The following ABCA13 variants were observed in gnomAD, a reference collection of about 807,000 sequenced individuals.
The protein encoded by ABCA13 is ATP binding cassette subfamily A member 13.
Under a neutral mutation model 478.7 loss-of-function variants are expected in ABCA13, and 476 were observed. The observed-to-expected ratio is 0.99, with a 90% CI of 0.92 to 1.07. The LOEUF (loss-of-function observed/expected upper bound fraction) is 1.07. ABCA13 is among the 50% of genes least tolerant of loss of function. The probability of loss-of-function intolerance (pLI) is 0.00; values close to 1 mark genes in which losing one functional copy is unlikely to be tolerated. For missense variants in ABCA13, 6,060 were observed against 5,910.6 expected, an observed-to-expected ratio of 1.03 and a Z score of -0.83; for synonymous variants, 2,252 against 2,158.9, an observed-to-expected ratio of 1.04 and a Z score of -1.20.
chr7:48,373,264 G>A (rs952321443), intron 33 of ABCA13, among the ~76,000 whole-genome samples: 10 of 152,174 alleles, frequency 6.6e-5, no homozygotes, highest in African/African-American at 2.4e-4. Flanking sequence ...TTACGGGGCT[G>A]CTCAGGGGTA....
intron 58 of ABCA13, among the ~76,000 whole-genome samples, chr7:48,612,907 C>T (rs1057192570): frequency 2.6e-5 from 4 of 151,320 alleles, no homozygotes; most frequent in East Asian, 1.9e-4. Flanking sequence ...TTTGAAGTGA[C>T]GATTGGAAAT....
intron 28 of ABCA13, among the ~76,000 whole-genome samples, chr7:48,335,999 G>T (rs1030989664): frequency 5.9e-5 from 9 of 152,264 alleles, no homozygotes; most frequent in African/African-American, 2.2e-4. Flanking sequence ...TTGGGCATTT[G>T]TGTAGCTTCA....
At chr7:48,492,355 G>T (rs1431140149) in intron 48 of ABCA13, among the ~76,000 whole-genome samples, 1 of 152,172 alleles carries the variant, frequency 6.6e-6, no homozygotes, top group Non-Finnish European at 1.5e-5. Context: ...CATCACCTCT[G>T]TTGGAATACT....
intron 48 of ABCA13, among the ~76,000 whole-genome samples, chr7:48,490,950 A>G (rs1829786829): frequency 6.6e-6 from 1 of 152,228 alleles, no homozygotes; most frequent in Non-Finnish European, 1.5e-5. Flanking sequence ...TTTTGAGGTT[A>G]AGGCCAGGAT....
Position 48,430,575 on chromosome 7 carries a change from G to A in ABCA13, c.12565+2704G>A, listed in dbSNP as rs895088848. 2.6e-5 allele frequency among the ~76,000 whole-genome samples: 4 copies of A among 151,622 alleles called. No individual in the cohort carries two copies. In the South Asian group the frequency reaches 6.3e-4, roughly 24 times the overall value. The stretch of plus-strand genomic sequence containing the variant: ...CTGTAATCCCAATTACTTGGGAGGC[G>A]GAGGCAGAGAATTGCTTGGACCCGG... On this transcript the variant is annotated intron_variant, in intron 42 of 61. Coordinates refer to ENST00000435803, the MANE Select transcript of ABCA13 (RefSeq NM_152701.5).
intron 47 of ABCA13, among the ~76,000 whole-genome samples, chr7:48,483,399 T>C (rs958053956): frequency 6.6e-6 from 1 of 152,172 alleles, no homozygotes; most frequent in Admixed American, 6.5e-5. Context: ...ACCTAGTAAA[T>C]ATAAAGTGGA....
In ABCA13 at chr7:48,281,469, A is replaced by G. The variant is rs762531253; in HGVS notation, c.8836+17A>G. The G allele has an allele frequency of 4.2e-5, 66 of 1,573,898 alleles. No individual in the cohort carries two copies. Among genetic ancestry groups the G allele is most frequent in the Non-Finnish European group, 5.4e-5 (63 of 1,158,306 alleles). On this transcript the variant is annotated intron_variant, in intron 19 of 61. Transcript: ENST00000435803. ...TCGTTGCAGGTGGGCTGCTCATATAACAAGTGCTCTGCAATTGCCCTGTGC... is the reference window on the plus strand; with the variant it reads ...TCGTTGCAGGTGGGCTGCTCATATAGCAAGTGCTCTGCAATTGCCCTGTGC...
intron 8 of ABCA13, among the ~76,000 whole-genome samples, chr7:48,234,574 A>G (rs1422296263): frequency 6.6e-6 from 1 of 152,194 alleles, no homozygotes; most frequent in Non-Finnish European, 1.5e-5. Flanking sequence ...TAGGAGCTGT[A>G]CGTTATGGAT....
chr7:48,208,256 GA>G (rs1365255905), intron 3 of ABCA13, among the ~76,000 whole-genome samples: 1 of 151,994 alleles, frequency 6.6e-6, no homozygotes, highest in Non-Finnish European at 1.5e-5. Context: ...TTTTGCTGAG[GA>G]TTGCTTTGGC....
At chr7:48,469,377 A>G (rs1827225307) in intron 44 of ABCA13, among the ~76,000 whole-genome samples, 1 of 152,140 alleles carries the variant, frequency 6.6e-6, no homozygotes, top group South Asian at 2.1e-4. Flanking sequence ...GAGAATGTGC[A>G]TACCAGGGAT....
intron 56 of ABCA13, among the ~76,000 whole-genome samples, chr7:48,582,327 T>C (rs892877996): frequency 6.6e-6 from 1 of 152,198 alleles, no homozygotes; most frequent in African/African-American, 2.4e-5. Flanking sequence ...CTTATTTTTA[T>C]AACCCTGGGA....
intron 59 of ABCA13, among the ~76,000 whole-genome samples, chr7:48,639,539 G>A (rs543796162): frequency 1.8e-4 from 27 of 152,280 alleles, no homozygotes; most frequent in African/African-American, 4.8e-4. Flanking sequence ...GTCCCCCTCC[G>A]CTCTCTGCTC....
At chr7:48,178,643 C>A (rs1322258452) in intron 1 of ABCA13, among the ~76,000 whole-genome samples, 1 of 151,190 alleles carries the variant, frequency 6.6e-6, no homozygotes, top group Non-Finnish European at 1.5e-5. Context: ...CCATTGCACT[C>A]CAGCCTGGGT....
intron 44 of ABCA13, among the ~76,000 whole-genome samples, chr7:48,471,072 T>C (rs1001429041): frequency 5.3e-5 from 8 of 152,232 alleles, no homozygotes; most frequent in Non-Finnish European, 8.8e-5. Context: ...GCACAATCTT[T>C]CTGCAACAGA....
intron 1 of ABCA13, among the ~76,000 whole-genome samples, chr7:48,182,473 C>G (rs1795821857): frequency 6.6e-6 from 1 of 152,140 alleles, no homozygotes; most frequent in African/African-American, 2.4e-5. Flanking sequence ...AGTGTTCATA[C>G]TTAATTTTGA....
rs1464629145 is a variant in ABCA13, at chr7:48,227,508, A to G, written c.632+83A>G. 3.4e-6 allele frequency: 5 copies of G among 1,468,868 alleles called. No individual in the cohort carries two copies. The Admixed American group carries it at 8.9e-5, about 26-fold the overall frequency. The allele number at this position is 1,468,868 out of a possible 1,614,324, so 91.0% of individuals were successfully genotyped here. On this transcript the variant is annotated intron_variant, in intron 6 of 61. Coordinates refer to ENST00000435803, the MANE Select transcript of ABCA13 (RefSeq NM_152701.5). ...TTAAAATGAGAAATAAAAATTACTAATTGTTGGATTTAAAAAAACCTCACA... is the reference window on the plus strand; with the variant it reads ...TTAAAATGAGAAATAAAAATTACTAGTTGTTGGATTTAAAAAAACCTCACA...
chr7:48,273,200 T>C lies in ABCA13; in HGVS notation c.3534T>C (p.Gly1178=). 2.5e-6 allele frequency: 4 copies of C among 1,613,718 alleles called. No homozygotes were observed. The highest frequency in any genetic ancestry group is 3.4e-6 in the Non-Finnish European group (4 of 1,179,758). ...DMNVFTSLHH[G]FTQLLDELED... ...ATGTTTTCACATCTCTTCATCATGGTTTCACTCAGCTTTTGGATGAATTGG... is the reference window on the plus strand; with the variant it reads ...ATGTTTTCACATCTCTTCATCATGGCTTCACTCAGCTTTTGGATGAATTGG... The change falls in exon 17 of 62, where the codon GGT becomes GGC. Residue 1178 remains glycine, a synonymous_variant. Transcript: ENST00000435803.
chr7:48,565,585 C>T (rs935451228), intron 55 of ABCA13, among the ~76,000 whole-genome samples: 10 of 151,876 alleles, frequency 6.6e-5, no homozygotes, highest in Non-Finnish European at 5.9e-5. Flanking sequence ...AAGATAAGGC[C>T]GGGCGTGGTT....
chr7:48,468,159 AG>A (rs1169941743), intron 44 of ABCA13, among the ~76,000 whole-genome samples: 1 of 131,700 alleles, frequency 7.6e-6, no homozygotes, highest in Non-Finnish European at 1.7e-5. Flanking sequence ...CTCCTTCCAG[AG>A]GAAAAAAACA....
Sources: allele counts gnomAD v4.1 joint callset (sites outside exome capture counted in the v4.1 genomes callset), GRCh38; gene constraint gnomAD v4.1.1; transcripts MANE v1.5; gene names NCBI Gene and HGNC (gene_info 2026-07-23, HGNC 2026-07-21).